Variants in RBKS observed in about 807,000 individuals in gnomAD.
RBKS encodes ribokinase.
A neutral mutation model predicts 33.9 loss-of-function variants in RBKS; 33 were observed. The ratio of observed to expected loss-of-function variants is 0.97; its 90% CI spans 0.74 to 1.30. The LOEUF is 1.30. Among genes scored for constraint, RBKS ranks in the 50% most tolerant of loss-of-function variants. The pLI is 0.00. For missense variants in RBKS, 361 were observed against 392.6 expected (o/e 0.92, Z 0.68); for synonymous variants, 125 against 143.0 (o/e 0.87, Z 0.90).
rs537377521 is a variant in RBKS at position 27,787,197 on chromosome 2, G to A, written c.796-5409C>T. On this transcript the variant is annotated intron_variant, in intron 7 of 7. Transcript: ENST00000302188. ...AGAGATGAGGTTGGCCAGGCACGGC[G>A]GCTCACGTCTGTAATCCCAGCACAC... 8.5e-5 allele frequency among the ~76,000 whole-genome samples: 13 copies of A among 152,216 alleles called. No individual in the cohort carries two copies. In the South Asian group the frequency reaches 2.3e-3, roughly 27 times the overall value.
chr2:27,865,673 C>T lies in RBKS; in HGVS notation c.90-7102G>A, dbSNP rs1465664608. On this transcript the variant is annotated intron_variant, in intron 1 of 7. Transcript: ENST00000302188. ...AAGTGAGCCTCCTACCTTGGCCTCT[C>T]AAAGTGTTGGGATTACAGGCATAAG... Among the ~76,000 whole-genome samples, 5 of 145,908 alleles carry T rather than the reference C, an allele frequency of 3.4e-5. No homozygotes were observed. The East Asian group carries it at 1.1e-3, about 32-fold the overall frequency.
At chr2:27,870,199 T>C (rs1310331298) in intron 1 of RBKS, 2 of 152,600 alleles carry the variant, frequency 1.3e-5, no homozygotes, top group Non-Finnish European at 2.9e-5. Flanking sequence ...TATCTGCTAA[T>C]GTTTGAAACA....
At chr2:27,783,258 C>T (rs918464157) in intron 7 of RBKS, among the ~76,000 whole-genome samples, 8 of 152,038 alleles carry the variant, frequency 5.3e-5, no homozygotes, top group African/African-American at 1.9e-4. Flanking sequence ...GACTGGGCAA[C>T]ATGGCAAAAC....
intron 1 of RBKS, among the ~76,000 whole-genome samples, chr2:27,877,877 T>C (rs1664343636): frequency 6.6e-6 from 1 of 152,216 alleles, no homozygotes; most frequent in African/African-American, 2.4e-5. Flanking sequence ...ACCTTTCAAA[T>C]AGGTCTTCCT....
chr2:27,802,156 C>G (rs576735672), intron 7 of RBKS, among the ~76,000 whole-genome samples: 165 of 150,786 alleles, frequency 1.1e-3, no homozygotes, highest in African/African-American at 3.9e-3. Flanking sequence ...TTTAAACAAC[C>G]AGATCTTGAG....
At position 27,877,697 on chromosome 2, in the gene RBKS, TC is replaced by T. The variant is rs1295055601; in HGVS notation, c.89+12559del. Among the ~76,000 whole-genome samples the T allele has an allele frequency of 3.9e-5, 6 of 152,352 alleles. No individual in the cohort carries two copies. The East Asian group carries it at 1.2e-3, about 29-fold the overall frequency. ...AAAATAAAGTTTCAACATTAGTGTTTCCTTATAAAAGATCAGAGAGTGAATG... is the reference window on the plus strand; with the variant it reads ...AAAATAAAGTTTCAACATTAGTGTTTCTTATAAAAGATCAGAGAGTGAATG... On this transcript the variant is annotated intron_variant, in intron 1 of 7. Coordinates refer to ENST00000302188, the MANE Select transcript of RBKS (RefSeq NM_022128.3).
chr2:27,864,601 A>G (rs951335378), intron 1 of RBKS, among the ~76,000 whole-genome samples: 3 of 152,100 alleles, frequency 2.0e-5, no homozygotes, highest in Non-Finnish European at 4.4e-5. Context: ...TTTAGAGAGG[A>G]CTTCCCAGAC....
chr2:27,838,883 A>G (rs1573056967), intron 5 of RBKS, among the ~76,000 whole-genome samples: 1 of 152,336 alleles, frequency 6.6e-6, no homozygotes, highest in Admixed American at 6.5e-5. Context: ...GTTAATGGAT[A>G]GCACAATAAT....
At chr2:27,884,860 T>G (rs1010715429) in intron 1 of RBKS, among the ~76,000 whole-genome samples, 13 of 152,222 alleles carry the variant, frequency 8.5e-5, no homozygotes, top group African/African-American at 3.1e-4. Flanking sequence ...CAGAGAGACT[T>G]GAAGAGAGAC....
At chr2:27,882,180 G>A (rs926717377) in intron 1 of RBKS, among the ~76,000 whole-genome samples, 13 of 151,964 alleles carry the variant, frequency 8.6e-5, no homozygotes, top group African/African-American at 3.1e-4. Flanking sequence ...ATCTGACAAA[G>A]GTCTAATATT....
chr2:27,819,679 G>T (rs1158446555), intron 7 of RBKS, among the ~76,000 whole-genome samples: 1 of 152,172 alleles, frequency 6.6e-6, no homozygotes, highest in Non-Finnish European at 1.5e-5. Flanking sequence ...TGAGACTGAG[G>T]GTTGAAGAGT....
At chr2:27,856,453 T>C (rs968061958) in intron 2 of RBKS, among the ~76,000 whole-genome samples, 7 of 152,228 alleles carry the variant, frequency 4.6e-5, no homozygotes, top group East Asian at 1.9e-4. Context: ...TATCCACTCA[T>C]ATGGTTTTAG....
At chr2:27,840,355 C>CACACACACACAT (rs55663951) in intron 5 of RBKS, among the ~76,000 whole-genome samples, 20 of 99,132 alleles carry the variant, frequency 2.0e-4, no homozygotes, top group Admixed American at 1.7e-3. Flanking sequence ...CACACACACA[C>CACACACACACAT]GCGCGCGCGC....
chr2:27,783,735 G>A (rs1205301816), intron 7 of RBKS, among the ~76,000 whole-genome samples: 1 of 151,524 alleles, frequency 6.6e-6, no homozygotes, highest in Non-Finnish European at 1.5e-5. Flanking sequence ...GTGAAACCCC[G>A]TCTCTACTAA....
intron 1 of RBKS, among the ~76,000 whole-genome samples, chr2:27,881,449 G>A (rs1295329932): frequency 6.6e-6 from 1 of 152,014 alleles, no homozygotes; most frequent in Admixed American, 6.6e-5. Context: ...GCTGAGGCAG[G>A]AGAATTGCTT....
chr2:27,838,273 A>G (rs1573056607), intron 5 of RBKS, among the ~76,000 whole-genome samples: 1 of 151,800 alleles, frequency 6.6e-6, no homozygotes, highest in East Asian at 1.9e-4. Flanking sequence ...TGGAATTTAA[A>G]AGTAGAAAAA....
At chr2:27,883,024 G>C (rs1664448825) in intron 1 of RBKS, among the ~76,000 whole-genome samples, 1 of 151,976 alleles carries the variant, frequency 6.6e-6, no homozygotes, top group Non-Finnish European at 1.5e-5. Context: ...TAATGCCTGG[G>C]TACAACAAAC....
intron 1 of RBKS, among the ~76,000 whole-genome samples, chr2:27,864,409 C>G (rs1664046822): frequency 6.6e-6 from 1 of 152,160 alleles, no homozygotes; most frequent in Non-Finnish European, 1.5e-5. Flanking sequence ...AACACTCTAG[C>G]CAGAAGTGAC....
chr2:27,861,405 T>C, intron 1 of RBKS: 1 of 452,702 alleles, frequency 2.2e-6, no homozygotes, highest in South Asian at 1.6e-5. Flanking sequence ...AACAACTCCA[T>C]ATTTTACCAG....
Sources: gnomAD v4.1 joint callset for allele counts (sites outside exome capture counted in the v4.1 genomes callset) on GRCh38, gnomAD v4.1.1 for gene constraint, MANE v1.5 for transcripts, NCBI Gene and HGNC (gene_info 2026-07-23, HGNC 2026-07-21) for gene names.